Variants in ABCB5 observed in about 807,000 individuals in gnomAD.
The protein encoded by ABCB5 is ATP binding cassette subfamily B member 5.
In ABCB5, 155 loss-of-function variants were observed where a neutral mutation model predicts 144.2. That is an observed-to-expected ratio of 1.08 (90% CI 0.94 to 1.23). The LOEUF (loss-of-function observed/expected upper bound fraction) is 1.23. Among genes scored for constraint, ABCB5 ranks in the 50% most tolerant of loss-of-function variants. The pLI is 0.00. For synonymous variants in ABCB5, 610 were observed against 528.6 expected (o/e 1.15, Z -2.11); for missense variants, 1,830 against 1,520.8 (o/e 1.20, Z -3.38).
intron 16 of ABCB5, 47 bp from the exon 17 acceptor site, chr7:20,698,360 G>A (rs778915825): frequency 4.0e-6 from 6 of 1,493,240 alleles, no homozygotes; most frequent in Non-Finnish European, 4.5e-6. Context: ...ACTAGATTCT[G>A]TTATGCACAC....
chr7:20,695,567 C>T (rs1786384474), intron 16 of ABCB5, among the ~76,000 whole-genome samples: 1 of 151,730 alleles, frequency 6.6e-6, no homozygotes, highest in East Asian at 1.9e-4. Flanking sequence ...ATTGATAAGT[C>T]AGACATTACC....
chr7:20,745,943 C>T (rs1186250121), intron 26 of ABCB5, among the ~76,000 whole-genome samples: 1 of 152,226 alleles, frequency 6.6e-6, no homozygotes, highest in Non-Finnish European at 1.5e-5. Flanking sequence ...TGCTGTTTCC[C>T]CAGCAACAAC....
At chr7:20,645,908 T>G in intron 8 of ABCB5, 28 bp downstream of exon 8, 1 of 1,612,766 alleles carries the variant, frequency 6.2e-7, no homozygotes, top group Non-Finnish European at 8.5e-7. Context: ...TAACAAGATA[T>G]GCTTGGTTTT....
In ABCB5 at chr7:20,691,168, CTTTTTTTTTTTTTTTTT is replaced by C. The variant is rs58696871; in HGVS notation, c.2010+5349_2010+5365del. Among the ~76,000 whole-genome samples the C allele has an allele frequency of 3.3e-4, 15 of 46,116 alleles. No individual in the cohort carries two copies. The South Asian group carries it at 0.015, about 46-fold the overall frequency. 30.3% of individuals were successfully genotyped at this position (46,116 alleles called of 152,430 possible). On this transcript the variant is annotated intron_variant, in intron 16 of 27. Coordinates refer to ENST00000404938, the MANE Select transcript of ABCB5 (RefSeq NM_001163941.2). ...GAAAACACAGACAAAACCCAGTGGA[CTTTTTTTTTTTTTTTTT>C]TTTTTTTTTTTTTTTTGAGACGGAG...
intron 14 of ABCB5, 137 bp downstream of exon 14, chr7:20,658,813 G>C: frequency 9.0e-7 from 1 of 1,114,394 alleles, no homozygotes; most frequent in East Asian, 2.5e-5. Context: ...TTAATCCACT[G>C]AGAACTTACG....
At chr7:20,663,746 T>G in intron 14 of ABCB5, among the ~76,000 whole-genome samples, 1 of 147,220 alleles carries the variant, frequency 6.8e-6, no homozygotes. Flanking sequence ...GATGGAATCT[T>G]GATCTGTCAC....
At chr7:20,674,782 A>ACACT (rs1785552871) in intron 14 of ABCB5, among the ~76,000 whole-genome samples, 2 of 151,342 alleles carry the variant, frequency 1.3e-5, no homozygotes, top group African/African-American at 2.4e-5. Flanking sequence ...ACACACACAC[A>ACACT]CAAACTGTTA....
intron 3 of ABCB5, among the ~76,000 whole-genome samples, chr7:20,627,792 C>T (rs1783941919): frequency 6.6e-6 from 1 of 152,154 alleles, no homozygotes; most frequent in Admixed American, 6.6e-5. Context: ...GCTCTGGTCA[C>T]TGCACTTAGC....
chr7:20,731,147 G>C (rs1288305300), intron 23 of ABCB5, among the ~76,000 whole-genome samples: 1 of 151,912 alleles, frequency 6.6e-6, no homozygotes, highest in Non-Finnish European at 1.5e-5. Context: ...AAGGTCAGGA[G>C]CTCAAGACTA....
chr7:20,616,535 A>G (rs1193576072), intron 1 of ABCB5, among the ~76,000 whole-genome samples: 1 of 152,232 alleles, frequency 6.6e-6, no homozygotes, highest in African/African-American at 2.4e-5. Flanking sequence ...GTCCTTATAA[A>G]TAAAATATTC....
intron 5 of ABCB5, 132 bp from the exon 6 acceptor site, chr7:20,643,052 G>T: frequency 1.4e-6 from 1 of 720,360 alleles, no homozygotes; most frequent in Non-Finnish European, 2.3e-6. Flanking sequence ...CACTCTCATG[G>T]CATGTTATTT....
intron 26 of ABCB5, among the ~76,000 whole-genome samples, chr7:20,750,865 C>G (rs1361162016): frequency 1.3e-5 from 2 of 152,130 alleles, no homozygotes; most frequent in Non-Finnish European, 2.9e-5. Context: ...GAAATACAGG[C>G]CTGGGGCATA....
At chr7:20,738,945 C>G in intron 23 of ABCB5, 38 bp from the exon 24 acceptor site, 2 of 1,533,144 alleles carry the variant, frequency 1.3e-6, no homozygotes. Context: ...TACAAAGGAT[C>G]GATGGACCTA....
intron 14 of ABCB5, among the ~76,000 whole-genome samples, chr7:20,665,063 A>C (rs889281959): frequency 2.0e-5 from 3 of 152,250 alleles, no homozygotes; most frequent in Admixed American, 2.0e-4. Flanking sequence ...ATTCCAGGCC[A>C]TAAAAAGAAA....
rs1199770546 is a variant in ABCB5 at position 20,615,793 on chromosome 7, A to G, written c.-66A>G. ...TCAGTCTTTTCTCTTAAGGACTTCA[A>G]CTGACTGGATGGGGCCCACTCAAAA... On this transcript the variant is annotated 5_prime_UTR_variant, in exon 1 of 28. Transcript: ENST00000404938. 1 of 152,308 alleles carries G rather than the reference A, an allele frequency of 6.6e-6. No individual in the cohort carries two copies. The allele number at this position is 152,308 out of a possible 1,614,324, so 9.4% of individuals were successfully genotyped here.
intron 21 of ABCB5, 135 bp from the exon 22 acceptor site, chr7:20,726,905 A>G: frequency 2.1e-6 from 1 of 483,292 alleles, no homozygotes; most frequent in Non-Finnish European, 3.5e-6. Flanking sequence ...AAAGGAAGCT[A>G]AGAATATTTG....
In ABCB5 at chr7:20,645,823, T is replaced by C. The variant is rs1441082285; in HGVS notation, c.746T>C (p.Val249Ala). The change falls in exon 8 of 28, where the codon GTC becomes GCC. Residue 249 changes from valine to alanine, a missense_variant. Coordinates refer to ENST00000404938, the MANE Select transcript of ABCB5 (RefSeq NM_001163941.2). ...AAAGCTGGGGCTGTGGCAGAAGAAG[T>C]CTTGTCATCAATCCGAACAGTCATA... The part of the protein sequence containing the change: ...YSKAGAVAEE[V>A]LSSIRTVIAF... 9.3e-6 allele frequency: 15 copies of C among 1,613,742 alleles called. No homozygotes were observed. Among genetic ancestry groups the C allele is most frequent in the Admixed American group, 1.7e-5 (1 of 59,982 alleles).
At chr7:20,737,081 C>G (rs1481789189) in intron 23 of ABCB5, among the ~76,000 whole-genome samples, 1 of 151,942 alleles carries the variant, frequency 6.6e-6, no homozygotes, top group Non-Finnish European at 1.5e-5. Context: ...TTGCTTGAAC[C>G]CAGGAGATGG....
At position 20,649,930 on chromosome 7, in the gene ABCB5, T is replaced by C. The variant is rs2188595; in HGVS notation, c.1207-92T>C. ...CTAAATTTGTTTTTAGAAGAATTTG[T>C]TTTTGGTTATAATTATGTACTCATT... is the stretch of plus-strand genomic sequence containing the variant. On this transcript the variant is annotated intron_variant, in intron 11 of 27. Coordinates refer to ENST00000404938, the MANE Select transcript of ABCB5 (RefSeq NM_001163941.2). 0.022 allele frequency: 29,680 copies of C among 1,375,202 alleles called. 3,984 individuals are homozygous for C. In the African/African-American group the frequency reaches 0.33, roughly 15 times the overall value. The allele number at this position is 1,375,202 out of a possible 1,614,324, so 85.2% of individuals were successfully genotyped here.
Sources: allele counts gnomAD v4.1 joint callset (sites outside exome capture counted in the v4.1 genomes callset), GRCh38; gene constraint gnomAD v4.1.1; transcripts MANE v1.5; gene names NCBI Gene and HGNC (gene_info 2026-07-23, HGNC 2026-07-21).